Variants in SLC4A10 observed in about 807,000 individuals in gnomAD.
SLC4A10 encodes sodium-driven chloride bicarbonate exchanger.
A neutral mutation model predicts 137.7 loss-of-function variants in SLC4A10; 42 were observed. The ratio of observed to expected loss-of-function variants is 0.30; its 90% CI spans 0.24 to 0.39. The LOEUF (loss-of-function observed/expected upper bound fraction) is 0.39. Ranked by LOEUF, SLC4A10 falls within the 10% of genes least tolerant of loss-of-function variation. The probability of loss-of-function intolerance (pLI) is 1.00; values close to 1 mark genes in which losing one functional copy is unlikely to be tolerated. For synonymous variants in SLC4A10, 474 were observed against 464.1 expected (o/e 1.02, Z -0.27); for missense variants, 925 against 1,355.0 (o/e 0.68, Z 4.98).
intron 3 of SLC4A10, among the ~76,000 whole-genome samples, chr2:161,818,117 G>A (rs549314411): frequency 6.6e-6 from 1 of 152,256 alleles, no homozygotes; most frequent in South Asian, 2.1e-4. Flanking sequence ...CATGAGCATG[G>A]AATGTTCTTC....
At chr2:161,869,750 A>G (rs1221261067) in intron 6 of SLC4A10, among the ~76,000 whole-genome samples, 1 of 151,616 alleles carries the variant, frequency 6.6e-6, no homozygotes, top group Non-Finnish European at 1.5e-5. Context: ...TTGAAGTGCT[A>G]CTTAAACTTC....
intron 1 of SLC4A10, among the ~76,000 whole-genome samples, chr2:161,668,754 T>G (rs1323845726): frequency 1.3e-4 from 20 of 151,870 alleles, no homozygotes. Context: ...CAAGAGAATA[T>G]GGATATGCAA....
At chr2:161,869,480 C>A (rs945308843) in intron 6 of SLC4A10, among the ~76,000 whole-genome samples, 3 of 151,462 alleles carry the variant, frequency 2.0e-5, no homozygotes, top group African/African-American at 7.3e-5. Context: ...TCAATTAGTT[C>A]TATATACTAT....
intron 1 of SLC4A10, among the ~76,000 whole-genome samples, chr2:161,631,594 G>A (rs1402500933): frequency 6.6e-6 from 1 of 151,584 alleles, no homozygotes; most frequent in Admixed American, 6.6e-5. Context: ...AATATATGGT[G>A]CATTTTATGT....
At chr2:161,836,866 A>G (rs1227260640) in intron 3 of SLC4A10, among the ~76,000 whole-genome samples, 3 of 152,228 alleles carry the variant, frequency 2.0e-5, no homozygotes, top group Non-Finnish European at 4.4e-5. Flanking sequence ...CAGATTTCTC[A>G]TTAAGAAATA....
At chr2:161,744,253 C>T (rs994117904) in intron 1 of SLC4A10, among the ~76,000 whole-genome samples, 2 of 152,038 alleles carry the variant, frequency 1.3e-5, no homozygotes, top group Non-Finnish European at 2.9e-5. Flanking sequence ...TAGTATGATA[C>T]TAGATGTGGG....
intron 6 of SLC4A10, among the ~76,000 whole-genome samples, chr2:161,866,554 G>T (rs1452200222): frequency 6.6e-6 from 1 of 151,702 alleles, no homozygotes; most frequent in Non-Finnish European, 1.5e-5. Context: ...TGATTCTGAT[G>T]TTTCAATAAA....
At chr2:161,784,198 G>A (rs1289137236) in intron 2 of SLC4A10, among the ~76,000 whole-genome samples, 1 of 151,836 alleles carries the variant, frequency 6.6e-6, no homozygotes, top group Non-Finnish European at 1.5e-5. Context: ...ACAATTGTAA[G>A]TAGTTATGCA....
At chr2:161,730,592 T>A (rs532736082) in intron 1 of SLC4A10, among the ~76,000 whole-genome samples, 1 of 152,320 alleles carries the variant, frequency 6.6e-6, no homozygotes, top group African/African-American at 2.4e-5. Flanking sequence ...GCCGACTTCC[T>A]TGTGTAGTAG....
At chr2:161,712,868 A>AT (rs1207919746) in intron 1 of SLC4A10, among the ~76,000 whole-genome samples, 3 of 151,838 alleles carry the variant, frequency 2.0e-5, no homozygotes, top group Non-Finnish European at 4.4e-5. Flanking sequence ...GAATAATGCA[A>AT]TTTTTAAAAA....
chr2:161,879,987 TA>T (rs1021989603), intron 9 of SLC4A10, among the ~76,000 whole-genome samples: 2 of 151,538 alleles, frequency 1.3e-5, no homozygotes, highest in African/African-American at 2.4e-5. Context: ...ACTAAAACTG[TA>T]AAAAAAAGAA....
chr2:161,711,419 T>G (rs566033981), intron 1 of SLC4A10, among the ~76,000 whole-genome samples: 4 of 151,954 alleles, frequency 2.6e-5, no homozygotes, highest in Non-Finnish European at 5.9e-5. Flanking sequence ...GAGAGTCCTT[T>G]GAATAAAATG....
intron 15 of SLC4A10, among the ~76,000 whole-genome samples, chr2:161,916,532 C>A (rs1018270528): frequency 4.6e-5 from 7 of 152,204 alleles, no homozygotes; most frequent in Non-Finnish European, 8.8e-5. Context: ...GGTCATGTCA[C>A]TCTGCTTCTC....
intron 16 of SLC4A10, among the ~76,000 whole-genome samples, chr2:161,946,984 CA>C (rs1165906797): frequency 6.6e-6 from 1 of 152,058 alleles, no homozygotes; most frequent in Non-Finnish European, 1.5e-5. Context: ...GATAATTCTA[CA>C]AAGTCATTGT....
At chr2:161,689,941 A>C (rs1574365411) in intron 1 of SLC4A10, among the ~76,000 whole-genome samples, 1 of 152,126 alleles carries the variant, frequency 6.6e-6, no homozygotes, top group Admixed American at 6.6e-5. Context: ...AGACTCCTCA[A>C]AACTTTTCTG....
intron 1 of SLC4A10, among the ~76,000 whole-genome samples, chr2:161,757,549 A>T (rs185433284): frequency 2.0e-5 from 3 of 152,302 alleles, no homozygotes; most frequent in Non-Finnish European, 1.5e-5. Context: ...CAAGTAAGTA[A>T]CATAATCCCA....
intron 1 of SLC4A10, among the ~76,000 whole-genome samples, chr2:161,683,721 T>A (rs190636495): frequency 6.6e-4 from 101 of 152,326 alleles, no homozygotes; most frequent in African/African-American, 2.3e-3. Context: ...ATTTGACTTA[T>A]AAGTTATAAG....
chr2:161,801,425 G>C (rs1211750418), intron 2 of SLC4A10, among the ~76,000 whole-genome samples: 1 of 151,818 alleles, frequency 6.6e-6, no homozygotes, highest in East Asian at 1.9e-4. Flanking sequence ...ACTGTCTGCT[G>C]TTTTCTCCAA....
At chr2:161,758,158 T>C (rs867708977) in intron 1 of SLC4A10, among the ~76,000 whole-genome samples, 2 of 152,054 alleles carry the variant, frequency 1.3e-5, no homozygotes, top group Middle Eastern at 7.6e-3. Context: ...TGTCATTATT[T>C]TAGTAAATTA....
Sources: gnomAD v4.1 joint callset for allele counts (sites outside exome capture counted in the v4.1 genomes callset) on GRCh38, gnomAD v4.1.1 for gene constraint, MANE v1.5 for transcripts, NCBI Gene and HGNC (gene_info 2026-07-23, HGNC 2026-07-21) for gene names.